Variants in TPM1 observed in about 807,000 individuals in gnomAD.
TPM1 encodes the protein tropomyosin alpha-1 chain.
In TPM1, 24 loss-of-function variants were observed where a neutral mutation model predicts 42.9. The ratio of observed to expected loss-of-function variants is 0.56; its 90% CI spans 0.41 to 0.79. The LOEUF (loss-of-function observed/expected upper bound fraction) is 0.79, where lower values mean the gene tolerates loss of function less well. Among genes scored for constraint, TPM1 ranks in the 30% least tolerant of loss-of-function variants. The probability of loss-of-function intolerance (pLI) is 0.00; values close to 1 mark genes in which losing one functional copy is unlikely to be tolerated. For missense variants in TPM1, 158 were observed against 351.8 expected, an observed-to-expected ratio of 0.45 and a Z score of 4.41; for synonymous variants, 136 against 130.1, an observed-to-expected ratio of 1.05 and a Z score of -0.31.
intron 2 of TPM1, chr15:63,056,076 A>T (rs1021338054): frequency 1.3e-5 from 2 of 152,240 alleles, no homozygotes; most frequent in Non-Finnish European, 2.9e-5. Context: ...CTCTGTTCCA[A>T]TGAGGCCAGT....
downstream of TPM1, chr15:63,069,920 A>C: frequency 6.2e-7 from 1 of 1,614,070 alleles, no homozygotes; most frequent in Non-Finnish European, 8.5e-7. Context: ...TAATGAACTA[A>C]AGCTGGCCCT....
At chr15:63,061,001 A>C in intron 5 of TPM1, 62 bp downstream of exon 5, 1 of 1,594,538 alleles carries the variant, frequency 6.3e-7, no homozygotes, top group Non-Finnish European at 8.6e-7. Flanking sequence ...ACTAAACAGC[A>C]TGACCTTCTG....
At chr15:63,067,743 T>C (rs769193613), downstream of TPM1, among the ~76,000 whole-genome samples, 1 of 152,230 alleles carries the variant, frequency 6.6e-6, no homozygotes, top group South Asian at 2.1e-4. Context: ...TGAACCAGGC[T>C]TCTGGTTCAA....
chr15:63,055,041 C>T (rs1448174152), intron 2 of TPM1, among the ~76,000 whole-genome samples: 1 of 149,408 alleles, frequency 6.7e-6, no homozygotes, highest in Admixed American at 6.8e-5. Flanking sequence ...AAAAAAAAGC[C>T]TAATGGTTTT....
intron 3 of TPM1, among the ~76,000 whole-genome samples, chr15:63,059,037 C>T (rs921363747): frequency 6.6e-6 from 1 of 152,186 alleles, no homozygotes; most frequent in Non-Finnish European, 1.5e-5. Context: ...GGTCAAATAT[C>T]AGCATTCTTT....
chr15:63,061,035 G>T (rs960529319), intron 5 of TPM1, 96 bp downstream of exon 5: 1 of 1,524,324 alleles, frequency 6.6e-7, no homozygotes, highest in Non-Finnish European at 9.0e-7. Flanking sequence ...ACCTGTTTCA[G>T]CTCCGGGCTC....
At chr15:63,062,150 TG>T in intron 6 of TPM1, 64 bp from the exon 7 acceptor site, 16 of 1,481,550 alleles carry the variant, frequency 1.1e-5, no homozygotes, top group Non-Finnish European at 1.5e-5. Flanking sequence ...GCGAGTTCTT[TG>T]CATGAGAAGC....
chr15:63,061,438 T>C, intron 5 of TPM1: 1 of 795,804 alleles, frequency 1.3e-6, no homozygotes. Flanking sequence ...CTCCTTTGTT[T>C]TCCCTTCATA....
At chr15:63,064,846 A>C in intron 9 of TPM1, 1 of 491,930 alleles carries the variant, frequency 2.0e-6, no homozygotes, top group Non-Finnish European at 2.6e-6. Flanking sequence ...GGATGCCTGT[A>C]GTCCCAGCTA....
At chr15:63,068,870 T>C (rs916259032), downstream of TPM1, among the ~76,000 whole-genome samples, 5 of 152,136 alleles carry the variant, frequency 3.3e-5, no homozygotes, top group Admixed American at 6.5e-5. Flanking sequence ...CAGATAGGGC[T>C]GGGCGCGGTG....
chr15:63,061,636 T>G (rs1019674554), intron 5 of TPM1, 77 bp from the exon 6 acceptor site: 18 of 1,380,472 alleles, frequency 1.3e-5, no homozygotes. Context: ...TTTCATTTTT[T>G]CCCATCCCTC....
At chr15:63,059,963 A>T in intron 4 of TPM1, 1 of 357,966 alleles carries the variant, frequency 2.8e-6, no homozygotes. Flanking sequence ...TTTGGCCGGA[A>T]GGGAGAGTTG....
intron 2 of TPM1, chr15:63,045,405 C>T (rs2032176244): frequency 6.6e-6 from 1 of 152,184 alleles, no homozygotes; most frequent in Non-Finnish European, 1.5e-5. Context: ...TTCTAAACTA[C>T]CTGGCTTTGG....
chr15:63,049,400 A>G (rs1354759121), intron 2 of TPM1: 1 of 152,346 alleles, frequency 6.6e-6, no homozygotes, highest in Non-Finnish European at 1.5e-5. Context: ...CGAAATGTCA[A>G]CAGTTATTGG....
At chr15:63,068,381 G>A (rs1245708349), downstream of TPM1, among the ~76,000 whole-genome samples, 1 of 152,158 alleles carries the variant, frequency 6.6e-6, no homozygotes, top group African/African-American at 2.4e-5. Context: ...CTGGGGTTTG[G>A]CATATTCAAA....
rs369617788 is a variant in TPM1 at position 63,056,996 on chromosome 15, C to T, written c.252C>T (p.Asp84=). 111 of 1,614,092 alleles carry T rather than the reference C, an allele frequency of 6.9e-5. No homozygotes were observed. Among genetic ancestry groups the T allele is most frequent in the Non-Finnish European group, 9.2e-5 (109 of 1,180,052 alleles). ...AEKKATDAEA[D]VASLNRRIQL... ...CACTCTCTACCTAGGCTGAAGCCGA[C>T]GTAGCTTCTCTGAACAGACGCATCC... Residue 84 remains aspartate, a synonymous_variant, in exon 3 of 10, where the codon GAC becomes GAT. Coordinates refer to ENST00000403994, the MANE Select transcript of TPM1 (RefSeq NM_001018005.2).
chr15:63,070,728 C>T (rs1192159832), downstream of TPM1: 11 of 1,061,066 alleles, frequency 1.0e-5, no homozygotes, highest in East Asian at 8.1e-5. Flanking sequence ...GTCTGCTGTT[C>T]GTAACTTCTT....
intron 2 of TPM1, chr15:63,048,449 T>C: frequency 7.4e-7 from 1 of 1,356,630 alleles, no homozygotes. Flanking sequence ...GGCGCCGCCA[T>C]CGCACAGAGA....
At chr15:63,065,860 CTT>C (rs761342774) in intron 9 of TPM1, 34 bp from the exon 10 acceptor site, 1 of 1,530,888 alleles carries the variant, frequency 6.5e-7, no homozygotes, top group Admixed American at 1.8e-5. Flanking sequence ...CATTGTGCCA[CTT>C]TTTTTTTCCT....
Sources: allele counts gnomAD v4.1 joint callset (sites outside exome capture counted in the v4.1 genomes callset), GRCh38; gene constraint gnomAD v4.1.1; transcripts MANE v1.5; gene names NCBI Gene and HGNC (gene_info 2026-07-23, HGNC 2026-07-21).